Variants in LRP1B observed in about 807,000 individuals in gnomAD.
The protein encoded by LRP1B is low-density lipoprotein receptor-related protein 1B.
In LRP1B, 217 loss-of-function variants were observed where a neutral mutation model predicts 556.6. That is an observed-to-expected ratio of 0.39 (90% CI 0.35 to 0.44). The LOEUF (loss-of-function observed/expected upper bound fraction) is 0.44. Ranked by LOEUF, LRP1B falls within the 20% of genes least tolerant of loss-of-function variation. LRP1B has a pLI of 1.00. For missense variants in LRP1B, 5,053 were observed against 5,620.8 expected (o/e 0.90, Z 3.23); for synonymous variants, 2,047 against 1,865.8 (o/e 1.10, Z -2.50).
chr2:140,543,043 C>T (rs907783316), intron 43 of LRP1B, among the ~76,000 whole-genome samples: 5 of 152,136 alleles, frequency 3.3e-5, no homozygotes, highest in African/African-American at 1.2e-4. Flanking sequence ...TCTGCCTTAG[C>T]AGTGGGGAAC....
At chr2:140,794,499 AC>A (rs1346850441) in intron 32 of LRP1B, among the ~76,000 whole-genome samples, 1 of 151,764 alleles carries the variant, frequency 6.6e-6, no homozygotes, top group East Asian at 1.9e-4. Context: ...ACACACACAC[AC>A]ACACACACAC....
chr2:141,852,534 A>G (rs1697901671), intron 1 of LRP1B, among the ~76,000 whole-genome samples: 1 of 151,810 alleles, frequency 6.6e-6, no homozygotes, highest in African/African-American at 2.4e-5. Flanking sequence ...TTAAAATGTA[A>G]TACAAGAAAT....
At chr2:141,058,326 C>T (rs891763776) in intron 9 of LRP1B, among the ~76,000 whole-genome samples, 2 of 151,752 alleles carry the variant, frequency 1.3e-5, no homozygotes, top group African/African-American at 2.4e-5. Flanking sequence ...TTTTTATATT[C>T]TCTTTTTTTA....
intron 3 of LRP1B, among the ~76,000 whole-genome samples, chr2:141,376,956 G>C (rs527451958): frequency 6.6e-6 from 1 of 151,782 alleles, no homozygotes; most frequent in South Asian, 2.1e-4. Context: ...TACCTCAACC[G>C]CTTTATTTAC....
chr2:140,988,323 A>C (rs1050016004), intron 17 of LRP1B, among the ~76,000 whole-genome samples: 14 of 152,084 alleles, frequency 9.2e-5, no homozygotes, highest in African/African-American at 3.4e-4. Flanking sequence ...TTGCTATGAG[A>C]CAAAAAGATC....
intron 43 of LRP1B, among the ~76,000 whole-genome samples, chr2:140,596,614 A>AT (rs991394396): frequency 6.6e-6 from 1 of 152,214 alleles, no homozygotes; most frequent in Non-Finnish European, 1.5e-5. Context: ...GAGAGAACAA[A>AT]TGTATTGCTA....
chr2:140,716,358 C>T (rs892122945), intron 36 of LRP1B, among the ~76,000 whole-genome samples: 1 of 151,982 alleles, frequency 6.6e-6, no homozygotes, highest in Non-Finnish European at 1.5e-5. Flanking sequence ...TGAAACTTCT[C>T]CTACCTAAAG....
In LRP1B at chr2:140,702,194, A is replaced by G. The variant is rs773696053; in HGVS notation, c.6249T>C (p.Asn2083=). The G allele has an allele frequency of 5.6e-6, 9 of 1,613,656 alleles. No homozygotes were observed. The East Asian group carries it at 1.1e-4, about 20-fold the overall frequency. ...AGACTGCAACTGAAAACATATCCACATTGCTTCCTGACAGCACCATCTCGC... is the reference window on the plus strand; with the variant it reads ...AGACTGCAACTGAAAACATATCCACGTTGCTTCCTGACAGCACCATCTCGC... The part of the protein sequence containing the change: ...GNREMVLSGS[N]VDMFSVAVFG... Residue 2083 remains asparagine (N), a synonymous_variant, in exon 39 of 91, where the codon AAT becomes AAC. Coordinates refer to ENST00000389484, the MANE Select transcript of LRP1B (RefSeq NM_018557.3).
chr2:141,099,259 T>C (rs144424944), intron 7 of LRP1B, among the ~76,000 whole-genome samples: 1 of 152,336 alleles, frequency 6.6e-6, no homozygotes, highest in African/African-American at 2.4e-5. Flanking sequence ...CCTTTTTTCC[T>C]TACAGGAGTA....
chr2:140,507,005 A>C, intron 52 of LRP1B, 87 bp from the exon 53 acceptor site: 1 of 1,345,144 alleles, frequency 7.4e-7, no homozygotes, highest in East Asian at 2.4e-5. Context: ...ATATAAAATC[A>C]TATCCAATAA....
intron 1 of LRP1B, among the ~76,000 whole-genome samples, chr2:142,116,870 C>T (rs1707292961): frequency 6.6e-6 from 1 of 152,106 alleles, no homozygotes; most frequent in Non-Finnish European, 1.5e-5. Context: ...TTAGTCACAG[C>T]TTCCCAAGGA....
Position 141,049,124 on chromosome 2 carries a change from G to A in LRP1B, c.1651C>T (p.Pro551Ser), listed in dbSNP as rs2105445961. 6.2e-7 allele frequency: 1 copy of A among 1,613,390 alleles called. No homozygotes were observed. Reference sequence around the variant, plus strand: ...CGAGGGTTTACCAGATTTTCTATGGGGATCATGTATTCATCAGCTATCTTG... The same window carrying A: ...CGAGGGTTTACCAGATTTTCTATGGAGATCATGTATTCATCAGCTATCTTG... The part of the protein sequence containing the change: ...NTKIADEYMI[P>S]IENLVNPRAL... Residue 551 changes from proline (P) to serine (S), a missense_variant, in exon 11 of 91, where the codon CCC becomes TCC. By Grantham distance (74) the Pro-to-Ser change is moderately conservative (BLOSUM62 -1). This residue lies in a region of LRP1B where 3,619 missense variants were observed against 3,931.9 expected (regional missense o/e 0.92). Coordinates refer to ENST00000389484, the MANE Select transcript of LRP1B (RefSeq NM_018557.3).
chr2:141,218,795 G>A (rs1682922556), intron 6 of LRP1B, among the ~76,000 whole-genome samples: 1 of 151,984 alleles, frequency 6.6e-6, no homozygotes, highest in African/African-American at 2.4e-5. Flanking sequence ...GAGGGGAGAG[G>A]AGCCAAGATG....
intron 7 of LRP1B, among the ~76,000 whole-genome samples, chr2:141,115,493 G>A (rs1305330563): frequency 8.2e-6 from 1 of 121,480 alleles, no homozygotes; most frequent in Admixed American, 1.1e-4. Context: ...TTCTGGCTCT[G>A]TCACCCAGAC....
chr2:140,608,940 T>C (rs1405233151), intron 41 of LRP1B, among the ~76,000 whole-genome samples: 4 of 152,320 alleles, frequency 2.6e-5, no homozygotes, highest in East Asian at 3.9e-4. Context: ...GAAAATTATA[T>C]AGACTCAGAC....
Position 140,563,448 on chromosome 2 carries a change from AG to A in LRP1B, c.7195-21478del, listed in dbSNP as rs202058689. ...AAAATTTATGAAGCATTACTTTAGA[AG>A]GCAAAACTAATCTGAAATGGAAAGC... On this transcript the variant is annotated intron_variant, in intron 43 of 90. Coordinates refer to ENST00000389484, the MANE Select transcript of LRP1B (RefSeq NM_018557.3). Among the ~76,000 whole-genome samples the A allele has an allele frequency of 3.7e-3, 557 of 152,310 alleles. 3 individuals are homozygous for A. The highest frequency in any genetic ancestry group is 0.013 in the African/African-American group (526 of 41,566).
intron 2 of LRP1B, among the ~76,000 whole-genome samples, chr2:141,595,509 A>T (rs1180439389): frequency 1.3e-5 from 2 of 152,146 alleles, no homozygotes; most frequent in East Asian, 3.8e-4. Context: ...CTTTGGCAGA[A>T]AAAAGATACT....
intron 43 of LRP1B, among the ~76,000 whole-genome samples, chr2:140,552,294 G>T (rs932424924): frequency 1.9e-4 from 29 of 152,094 alleles, no homozygotes; most frequent in African/African-American, 7.0e-4. Flanking sequence ...AATAAAAACA[G>T]TTATTATGGA....
chr2:141,777,869 TG>T (rs915812206), intron 2 of LRP1B, among the ~76,000 whole-genome samples: 6 of 150,010 alleles, frequency 4.0e-5, no homozygotes, highest in Non-Finnish European at 7.5e-5. Flanking sequence ...ATGATGTAAT[TG>T]TTTTTTTTAA....
Sources: gnomAD v4.1 joint callset for allele counts (sites outside exome capture counted in the v4.1 genomes callset) on GRCh38, gnomAD v4.1.1 for gene constraint, gnomAD v4.1.1 regional missense constraint, MANE v1.5 for transcripts, NCBI Gene and HGNC (gene_info 2026-07-23, HGNC 2026-07-21) for gene names.